The following MED13L variants were observed in gnomAD, a reference collection of about 807,000 sequenced individuals.
The protein encoded by MED13L is mediator of RNA polymerase II transcription subunit 13-like.
In MED13L, 7 loss-of-function variants were observed where a neutral mutation model predicts 220.9. That is an observed-to-expected ratio of 0.03 (90% CI 0.02 to 0.06). The LOEUF is 0.06. Among genes scored for constraint, MED13L ranks in the 10% least tolerant of loss-of-function variants. The pLI is 1.00. For missense variants in MED13L, 1,965 were observed against 2,760.5 expected (o/e 0.71, Z 6.46); for synonymous variants, 1,011 against 1,015.2 (o/e 1.00, Z 0.08).
intron 10 of MED13L, 56 bp from the exon 11 acceptor site, chr12:116,007,692 A>G: frequency 2.0e-6 from 3 of 1,492,162 alleles, no homozygotes; most frequent in Admixed American, 3.9e-5. Flanking sequence ...AAGCATTTAC[A>G]AAGTTTAAAC....
intron 22 of MED13L, chr12:115,981,899 C>T (rs936870587): frequency 3.8e-5 from 6 of 159,472 alleles, no homozygotes; most frequent in East Asian, 3.6e-4. Flanking sequence ...ATGTAAAAGA[C>T]GGAATTATGA....
At chr12:116,172,780 T>C (rs1046734411) in intron 2 of MED13L, among the ~76,000 whole-genome samples, 3 of 151,970 alleles carry the variant, frequency 2.0e-5, no homozygotes, top group Admixed American at 6.6e-5. Context: ...ATAATCGAGA[T>C]TATATATATG....
chr12:116,033,400 ACTT>A (rs1204039495), intron 4 of MED13L, among the ~76,000 whole-genome samples: 2 of 152,272 alleles, frequency 1.3e-5, no homozygotes, highest in Non-Finnish European at 2.9e-5. Flanking sequence ...AACTATAAAA[ACTT>A]CTTAATTCAA....
chr12:115,998,980 A>AGT (rs1878578988), intron 14 of MED13L, among the ~76,000 whole-genome samples: 2 of 152,252 alleles, frequency 1.3e-5, no homozygotes, highest in African/African-American at 4.8e-5. Context: ...GCCAAGCCAA[A>AGT]CAAGAAACTG....
chr12:116,063,943 G>A (rs1040569357), intron 4 of MED13L, among the ~76,000 whole-genome samples: 2 of 152,130 alleles, frequency 1.3e-5, no homozygotes, highest in South Asian at 4.1e-4. Context: ...AGCACTTTGA[G>A]ATGGTGAGGT....
In MED13L at chr12:115,991,168, G is replaced by T; in HGVS notation, c.3786C>A (p.Asp1262Glu). The T allele has an allele frequency of 6.2e-7, 1 of 1,614,138 alleles. No individual in the cohort carries two copies. The highest frequency in any genetic ancestry group is 8.5e-7 in the Non-Finnish European group (1 of 1,180,026). The change falls in exon 17 of 31, where the codon GAC (aspartate) becomes GAA (glutamate). Residue 1262 changes from aspartate (D) to glutamate (E), a missense_variant. This residue lies in a region of MED13L where 165 missense variants were observed against 190.8 expected (regional missense o/e 0.86). Transcript: ENST00000281928. The surrounding 1 kb of genome is among the most constrained non-coding windows in gnomAD (Gnocchi z 7.7). ...QTLPCVSWSY[D>E]RVQADNNDYW... is the part of the protein sequence containing the mutation. ...AATCATTATTATCTGCTTGCACCCG[G>T]TCATAACTCCAGCTTACACAGGGAA... is the stretch of plus-strand genomic sequence containing the variant.
chr12:116,131,556 T>C (rs1408915312), intron 2 of MED13L, among the ~76,000 whole-genome samples: 1 of 152,252 alleles, frequency 6.6e-6, no homozygotes, highest in Non-Finnish European at 1.5e-5. Context: ...TGTCCAGAAC[T>C]GTCATCTTTA....
chr12:115,961,516 G>T, intron 30 of MED13L, 118 bp from the exon 31 acceptor site: 3 of 1,367,510 alleles, frequency 2.2e-6, no homozygotes, highest in Non-Finnish European at 2.0e-6. Flanking sequence ...TCCTTAACTT[G>T]CCCCAGGCTC....
chr12:116,111,278 CAATAGA>C (rs1255664806), intron 3 of MED13L, 144 bp downstream of exon 3: 1 of 683,540 alleles, frequency 1.5e-6, no homozygotes, highest in Non-Finnish European at 2.6e-6. Flanking sequence ...CAAATTATAT[CAATAGA>C]AAGAGAAACT....
intron 4 of MED13L, among the ~76,000 whole-genome samples, chr12:116,043,681 C>T (rs1193463480): frequency 5.3e-5 from 8 of 152,180 alleles, no homozygotes; most frequent in Non-Finnish European, 8.8e-5. Flanking sequence ...ATGCATGTAT[C>T]TATTTATCTT....
At chr12:116,263,638 T>C (rs575100565) in intron 1 of MED13L, among the ~76,000 whole-genome samples, 39 of 152,344 alleles carry the variant, frequency 2.6e-4, no homozygotes, top group African/African-American at 7.9e-4. Context: ...AGGTAAGAAG[T>C]TGGATATCAC....
At chr12:116,124,577 G>C (rs781382757) in intron 2 of MED13L, among the ~76,000 whole-genome samples, 11 of 151,406 alleles carry the variant, frequency 7.3e-5, no homozygotes, top group African/African-American at 2.4e-4. Flanking sequence ...CTCCAAGACA[G>C]AAAAAAAACT....
chr12:116,276,806 G>T, intron 1 of MED13L: 1 of 1,200,220 alleles, frequency 8.3e-7, no homozygotes. Context: ...GCAGCTCCGA[G>T]ACTTCCACAT....
intron 2 of MED13L, chr12:116,232,184 G>C: frequency 2.1e-6 from 2 of 961,960 alleles, no homozygotes; most frequent in East Asian, 1.1e-4. Context: ...CAATATTTAT[G>C]TCTCTAAATT....
At chr12:116,248,728 T>A (rs1307237755) in intron 1 of MED13L, among the ~76,000 whole-genome samples, 1 of 152,250 alleles carries the variant, frequency 6.6e-6, no homozygotes, top group Non-Finnish European at 1.5e-5. Flanking sequence ...TGGGGCCACA[T>A]GGCCCAGAGC....
chr12:116,180,402 G>A (rs1880438102), intron 2 of MED13L, among the ~76,000 whole-genome samples: 1 of 152,126 alleles, frequency 6.6e-6, no homozygotes, highest in African/African-American at 2.4e-5. Flanking sequence ...TATTTAAGAT[G>A]TTGCATAAAA....
At chr12:116,268,380 A>G (rs1416067725) in intron 1 of MED13L, among the ~76,000 whole-genome samples, 1 of 152,218 alleles carries the variant, frequency 6.6e-6, no homozygotes, top group East Asian at 1.9e-4. Flanking sequence ...TCAACATAAA[A>G]TGTTTTTTGT....
At chr12:116,068,563 CT>C (rs1870129448) in intron 4 of MED13L, among the ~76,000 whole-genome samples, 1 of 152,132 alleles carries the variant, frequency 6.6e-6, no homozygotes, top group African/African-American at 2.4e-5. Context: ...GGTAGAATAA[CT>C]GGCCTATACA....
intron 28 of MED13L, among the ~76,000 whole-genome samples, chr12:115,967,145 T>C (rs896207613): frequency 1.7e-5 from 2 of 117,676 alleles, no homozygotes; most frequent in East Asian, 5.1e-4. Context: ...CACTCTAGCT[T>C]GAGCAACAGA....
Sources: gnomAD v4.1 joint callset for allele counts (sites outside exome capture counted in the v4.1 genomes callset) on GRCh38, gnomAD v4.1.1 for gene constraint, gnomAD v4.1.1 regional missense constraint, Gnocchi (gnomAD v3.1) non-coding constraint, MANE v1.5 for transcripts, NCBI Gene and HGNC (gene_info 2026-07-23, HGNC 2026-07-21) for gene names.